The following KAZN variants were observed in gnomAD, a reference collection of about 807,000 sequenced individuals.
KAZN encodes the protein kazrin, periplakin interacting protein, also known as kazrin.
A neutral mutation model predicts 87.4 loss-of-function variants in KAZN; 40 were observed. That is an observed-to-expected ratio of 0.46 (90% CI 0.36 to 0.60). The LOEUF is 0.60. Ranked by LOEUF, KAZN falls within the 20% of genes least tolerant of loss-of-function variation. The pLI, the probability that KAZN is intolerant of heterozygous loss-of-function variation, is 0.00. For synonymous variants in KAZN, 466 were observed against 458.3 expected, an observed-to-expected ratio of 1.02 and a Z score of -0.22; for missense variants, 898 against 1,073.9, an observed-to-expected ratio of 0.84 and a Z score of 2.29.
chr1:15,014,346 C>T (rs746555020), intron 2 of KAZN, among the ~76,000 whole-genome samples: 6 of 152,118 alleles, frequency 3.9e-5, no homozygotes, highest in African/African-American at 1.2e-4. Context: ...CCCACCCTGC[C>T]CACCTTGCAG....
At chr1:14,757,257 T>G (rs755106848) in intron 1 of KAZN, among the ~76,000 whole-genome samples, 49 of 152,244 alleles carry the variant, frequency 3.2e-4, no homozygotes, top group Non-Finnish European at 5.0e-4. Flanking sequence ...GACAAAGAAT[T>G]ATGCATCAGC....
At chr1:14,113,593 A>G (rs1363652317) in intron 1 of KAZN, among the ~76,000 whole-genome samples, 1 of 152,200 alleles carries the variant, frequency 6.6e-6, no homozygotes, top group Non-Finnish European at 1.5e-5. Context: ...GGAAACTGAC[A>G]CTTAAAGAGG....
intron 2 of KAZN, among the ~76,000 whole-genome samples, chr1:14,464,012 G>C (rs115191304): frequency 6.6e-6 from 1 of 152,202 alleles, no homozygotes. Context: ...AGGAACACTA[G>C]GAAGACCATC....
At chr1:14,119,462 G>A (rs1250512232) in intron 1 of KAZN, among the ~76,000 whole-genome samples, 1 of 152,128 alleles carries the variant, frequency 6.6e-6, no homozygotes, top group East Asian at 1.9e-4. Flanking sequence ...TGTCTTCAGG[G>A]TTACCACAAT....
chr1:15,014,566 A>C (rs1017817003), intron 2 of KAZN, among the ~76,000 whole-genome samples: 2 of 152,132 alleles, frequency 1.3e-5, no homozygotes, highest in African/African-American at 4.8e-5. Flanking sequence ...AGCACGTTGG[A>C]AAAGCGCCCT....
chr1:14,180,416 C>T (rs1331643378), intron 1 of KAZN: 16 of 1,542,770 alleles, frequency 1.0e-5, no homozygotes, highest in Non-Finnish European at 1.4e-5. Flanking sequence ...TCTACTTTTC[C>T]TTCTTTTTCT....
chr1:14,272,690 C>T (rs1371260273), intron 2 of KAZN, among the ~76,000 whole-genome samples: 1 of 151,934 alleles, frequency 6.6e-6, no homozygotes, highest in Non-Finnish European at 1.5e-5. Flanking sequence ...AACCCTGTCT[C>T]TACTAAAAAT....
At chr1:14,437,449 A>G (rs960416267) in intron 2 of KAZN, among the ~76,000 whole-genome samples, 2 of 152,214 alleles carry the variant, frequency 1.3e-5, no homozygotes, top group Admixed American at 6.5e-5. Flanking sequence ...TGCTGGACAA[A>G]GAGAATTAGA....
chr1:14,435,894 C>T (rs983929728), intron 2 of KAZN, among the ~76,000 whole-genome samples: 13 of 151,900 alleles, frequency 8.6e-5, no homozygotes, highest in Admixed American at 1.3e-4. Context: ...CAGGGCCTAA[C>T]GATATGGGTG....
intron 1 of KAZN, among the ~76,000 whole-genome samples, chr1:14,946,641 T>C (rs1661833547): frequency 6.6e-6 from 1 of 152,156 alleles, no homozygotes; most frequent in African/African-American, 2.4e-5. Context: ...TCACCACCCT[T>C]GTGTGATGGC....
At chr1:13,995,952 G>T (rs1639493670) in intron 1 of KAZN, among the ~76,000 whole-genome samples, 1 of 152,202 alleles carries the variant, frequency 6.6e-6, no homozygotes, top group African/African-American at 2.4e-5. Context: ...AGGCTCCCAT[G>T]GAAAAGAACC....
At chr1:14,510,195 A>G (rs1052178101) in intron 2 of KAZN, among the ~76,000 whole-genome samples, 1 of 152,208 alleles carries the variant, frequency 6.6e-6, no homozygotes, top group African/African-American at 2.4e-5. Flanking sequence ...CCTGACCAAC[A>G]TGGAGAAACT....
chr1:14,422,760 A>G (rs1393695432), intron 2 of KAZN, among the ~76,000 whole-genome samples: 2 of 152,248 alleles, frequency 1.3e-5, no homozygotes, highest in Admixed American at 1.3e-4. Flanking sequence ...GGTTTCTAAG[A>G]GATGGCAGCT....
intron 2 of KAZN, among the ~76,000 whole-genome samples, chr1:14,317,526 A>G (rs773990247): frequency 6.6e-6 from 1 of 151,960 alleles, no homozygotes; most frequent in Non-Finnish European, 1.5e-5. Context: ...CTTACATTTG[A>G]TGTATTTATT....
chr1:14,002,790 G>A (rs1044439216), intron 1 of KAZN, among the ~76,000 whole-genome samples: 1 of 152,316 alleles, frequency 6.6e-6, no homozygotes, highest in Middle Eastern at 3.4e-3. Context: ...GTGGAAGACA[G>A]TATGGCAGTT....
intron 1 of KAZN, among the ~76,000 whole-genome samples, chr1:14,865,595 C>G (rs1572682255): frequency 6.6e-6 from 1 of 152,180 alleles, no homozygotes; most frequent in Non-Finnish European, 1.5e-5. Flanking sequence ...CGTCTCATCT[C>G]TTTCTGAGGA....
At chr1:14,450,864 G>C (rs1667233533) in intron 2 of KAZN, among the ~76,000 whole-genome samples, 1 of 151,852 alleles carries the variant, frequency 6.6e-6, no homozygotes, top group African/African-American at 2.4e-5. Flanking sequence ...TTGGAGGTGG[G>C]GCCTGGTAGG....
intron 1 of KAZN, among the ~76,000 whole-genome samples, chr1:14,049,639 CT>C (rs1355600929): frequency 6.6e-6 from 1 of 152,152 alleles, no homozygotes; most frequent in East Asian, 1.9e-4. Flanking sequence ...CTCTTCCTTC[CT>C]TTTTTGTTCC....
At chr1:14,250,695 A>T (rs1649946868) in intron 2 of KAZN, among the ~76,000 whole-genome samples, 1 of 152,062 alleles carries the variant, frequency 6.6e-6, no homozygotes, top group African/African-American at 2.4e-5. Context: ...GATTAGCACA[A>T]GATCCATGAA....
Sources: gnomAD v4.1 joint callset for allele counts (sites outside exome capture counted in the v4.1 genomes callset) on GRCh38, gnomAD v4.1.1 for gene constraint, MANE v1.5 for transcripts, NCBI Gene and HGNC (gene_info 2026-07-23, HGNC 2026-07-21) for gene names.